The following KCNQ3 variants were observed in gnomAD, a reference collection of about 807,000 sequenced individuals.
The protein encoded by KCNQ3 is potassium voltage-gated channel subfamily KQT member 3.
KCNQ3 carries 30 observed loss-of-function variants against 92.5 expected under a neutral mutation model. The ratio of observed to expected loss-of-function variants is 0.32; its 90% CI spans 0.24 to 0.44. KCNQ3 has a LOEUF of 0.44. KCNQ3 is among the 20% of genes least tolerant of loss of function. The pLI is 1.00. For synonymous variants in KCNQ3, 450 were observed against 468.8 expected (o/e 0.96, Z 0.52); for missense variants, 913 against 1,140.3 (o/e 0.80, Z 2.87).
chr8:132,190,501 G>A (rs190555316), intron 1 of KCNQ3, among the ~76,000 whole-genome samples: 1 of 152,320 alleles, frequency 6.6e-6, no homozygotes, highest in African/African-American at 2.4e-5. Context: ...AGGCCTGTGA[G>A]AGCTATGTGG....
Position 132,129,783 on chromosome 8 carries a change from G to A in KCNQ3, c.2098C>T (p.His700Tyr). ...CTGACTTTGTCAATGGTCACCTGGT[G>A]GAAGCTGTAGGGTGGTTCCGGGGGG... ...TGPPEPPYSF[H>Y]QVTIDKVSPY... The change falls in exon 15 of 15, where the codon CAC (histidine) becomes TAC (tyrosine). Residue 700 changes from histidine (H) to tyrosine (Y), a missense_variant. By Grantham distance (83) the His-to-Tyr change is moderately conservative. This residue lies in a region of KCNQ3 where 375 missense variants were observed against 376.4 expected (regional missense o/e 1.00). Coordinates refer to ENST00000388996, the MANE Select transcript of KCNQ3 (RefSeq NM_004519.4). The surrounding 1 kb of genome is among the most constrained non-coding windows in gnomAD (Gnocchi z 5.9). 6.2e-7 allele frequency: 1 copy of A among 1,614,182 alleles called. No individual in the cohort carries two copies. Among genetic ancestry groups the A allele is most frequent in the East Asian group, 2.2e-5 (1 of 44,864 alleles).
intron 1 of KCNQ3, among the ~76,000 whole-genome samples, chr8:132,331,246 A>T (rs1159547972): frequency 2.6e-5 from 4 of 152,156 alleles, no homozygotes; most frequent in Non-Finnish European, 5.9e-5. Context: ...AGTTTCCCAA[A>T]GTCACAGAGC....
Position 132,147,665 on chromosome 8 carries a change from T to C in KCNQ3, c.1263-6334A>G, listed in dbSNP as rs537314182. 5.9e-5 allele frequency among the ~76,000 whole-genome samples: 9 copies of C among 152,116 alleles called. No individual in the cohort carries two copies. In the South Asian group the frequency reaches 1.9e-3, roughly 32 times the overall value. On this transcript the variant is annotated intron_variant, in intron 9 of 14. Transcript: ENST00000388996. ...TGGATGAAGATGGGTGCATGGATGATAGATGGATGGATAATGGATATATGG... is the reference window on the plus strand; with the variant it reads ...TGGATGAAGATGGGTGCATGGATGACAGATGGATGGATAATGGATATATGG...
intron 1 of KCNQ3, among the ~76,000 whole-genome samples, chr8:132,207,921 TAAAA>T (rs762571946): frequency 3.9e-5 from 4 of 103,890 alleles, no homozygotes; most frequent in African/African-American, 1.4e-4. Context: ...TGAGAGAGAT[TAAAA>T]AAAAAAAAAA....
chr8:132,375,986 G>A (rs1011301672), intron 1 of KCNQ3, among the ~76,000 whole-genome samples: 3 of 152,184 alleles, frequency 2.0e-5, no homozygotes, highest in Admixed American at 1.3e-4. Context: ...TTGAGGGCAG[G>A]GGGGTGTCTT....
Position 132,447,737 on chromosome 8 carries a change from C to CT in KCNQ3, c.386+32409dup, listed in dbSNP as rs545771944. Among the ~76,000 whole-genome samples the CT allele has an allele frequency of 1.2e-3, 176 of 152,304 alleles. 2 individuals carry two copies. Among genetic ancestry groups the CT allele is most frequent in the Non-Finnish European group, 2.1e-4 (14 of 68,004 alleles). ...AAGGACAGAAAGAACGAGACTGCCT[C>CT]TGGGGAAGGGGCTGTGGCTTTTCAT... On this transcript the variant is annotated intron_variant, in intron 1 of 14. Transcript: ENST00000388996.
At chr8:132,400,609 T>G (rs529826537) in intron 1 of KCNQ3, among the ~76,000 whole-genome samples, 1 of 152,248 alleles carries the variant, frequency 6.6e-6, no homozygotes, top group South Asian at 2.1e-4. Flanking sequence ...GAAGCCCACG[T>G]GGGTACAGGA....
At chr8:132,203,157 G>A (rs1187753508) in intron 1 of KCNQ3, among the ~76,000 whole-genome samples, 1 of 152,142 alleles carries the variant, frequency 6.6e-6, no homozygotes, top group African/African-American at 2.4e-5. Flanking sequence ...AACCCCTCCT[G>A]AGATAAGAGC....
Position 132,370,188 on chromosome 8 carries a change from C to T in KCNQ3, c.386+109959G>A, listed in dbSNP as rs74403179. On this transcript the variant is annotated intron_variant, in intron 1 of 14. Transcript: ENST00000388996. Reference sequence around the variant, plus strand: ...AGGGACAATGACCACACACAGGAAGCACTCAATAAATATCCACTGAATGCC... The same window carrying T: ...AGGGACAATGACCACACACAGGAAGTACTCAATAAATATCCACTGAATGCC... Among the ~76,000 whole-genome samples, 1,467 of 152,290 alleles carry T rather than the reference C, an allele frequency of 9.6e-3. 14 individuals carry two copies. The highest frequency in any genetic ancestry group is 0.016 in the Non-Finnish European group (1,105 of 68,028).
chr8:132,375,985 G>A (rs1224865470), intron 1 of KCNQ3, among the ~76,000 whole-genome samples: 1 of 152,176 alleles, frequency 6.6e-6, no homozygotes, highest in African/African-American at 2.4e-5. Flanking sequence ...CTTGAGGGCA[G>A]GGGGGTGTCT....
intron 1 of KCNQ3, among the ~76,000 whole-genome samples, chr8:132,186,927 T>TGAGAGAGAGAGAGAGA (rs1259312197): frequency 1.2e-5 from 1 of 85,118 alleles, no homozygotes; most frequent in Admixed American, 1.3e-4. Flanking sequence ...TGTGTGTGTG[T>TGAGAGAGAGAGAGAGA]GTGTGTGAGA....
chr8:132,144,644 C>T (rs1563770851), intron 9 of KCNQ3, among the ~76,000 whole-genome samples: 1 of 152,198 alleles, frequency 6.6e-6, no homozygotes, highest in Admixed American at 6.5e-5. Context: ...CAATATGGCT[C>T]TTGTCCTGGG....
chr8:132,256,566 T>C (rs1205483435), intron 1 of KCNQ3, among the ~76,000 whole-genome samples: 2 of 152,216 alleles, frequency 1.3e-5, no homozygotes, highest in East Asian at 1.9e-4. Flanking sequence ...AATAAAACTC[T>C]CAATAGGCAG....
At chr8:132,289,408 C>T (rs1191129243) in intron 1 of KCNQ3, among the ~76,000 whole-genome samples, 1 of 152,150 alleles carries the variant, frequency 6.6e-6, no homozygotes, top group African/African-American at 2.4e-5. Flanking sequence ...GAGCCAGCTC[C>T]CTATGGAAGT....
At chr8:132,343,167 T>C (rs890913869) in intron 1 of KCNQ3, among the ~76,000 whole-genome samples, 7 of 152,246 alleles carry the variant, frequency 4.6e-5, no homozygotes, top group African/African-American at 1.7e-4. Flanking sequence ...TCGTGGTGAA[T>C]CACAGTGTTC....
chr8:132,437,123 C>CA (rs1821414739), intron 1 of KCNQ3, among the ~76,000 whole-genome samples: 1 of 151,398 alleles, frequency 6.6e-6, no homozygotes, highest in Non-Finnish European at 1.5e-5. Flanking sequence ...ACTAAAAATA[C>CA]AAAAAATTAG....
At chr8:132,172,526 T>TACACAA (rs1287078240) in intron 7 of KCNQ3, 72 bp downstream of exon 7, 1 of 1,252,930 alleles carries the variant, frequency 8.0e-7, no homozygotes, top group Admixed American at 1.7e-5. Context: ...CATGCACACA[T>TACACAA]ACACACACAC....
intron 1 of KCNQ3, among the ~76,000 whole-genome samples, chr8:132,433,586 A>G (rs917949471): frequency 2.0e-5 from 3 of 152,246 alleles, no homozygotes; most frequent in Admixed American, 6.5e-5. Context: ...TTGTTAGTAT[A>G]GATTTTAAAA....
chr8:132,367,253 AT>A (rs59088055), intron 1 of KCNQ3, among the ~76,000 whole-genome samples: 6,231 of 151,672 alleles, frequency 0.041, 359 homozygotes, highest in African/African-American at 0.13. Flanking sequence ...CCACATCAGT[AT>A]TTTTTTTTCC....
Sources: gnomAD v4.1 joint callset for allele counts (sites outside exome capture counted in the v4.1 genomes callset) on GRCh38, gnomAD v4.1.1 for gene constraint, gnomAD v4.1.1 regional missense constraint, Gnocchi (gnomAD v3.1) non-coding constraint, MANE v1.5 for transcripts, NCBI Gene and HGNC (gene_info 2026-07-23, HGNC 2026-07-21) for gene names.